CCDC175: variants seen among roughly 807,000 people sequenced by gnomAD.
CCDC175 encodes the protein coiled-coil domain containing 175.
In CCDC175, 100 loss-of-function variants were observed where a neutral mutation model predicts 114.6. The ratio of observed to expected loss-of-function variants is 0.87; its 90% CI spans 0.74 to 1.03. CCDC175 has a LOEUF of 1.03. Among genes scored for constraint, CCDC175 ranks in the 50% least tolerant of loss-of-function variants. The pLI is 0.00. For missense variants in CCDC175, 880 were observed against 917.8 expected, an observed-to-expected ratio of 0.96 and a Z score of 0.53; for synonymous variants, 306 against 308.7, an observed-to-expected ratio of 0.99 and a Z score of 0.09.
rs979762867 is a variant in CCDC175, at chr14:59,568,363, G to A, written c.373C>T (p.Arg125Cys). Residue 125 changes from arginine to cysteine, a missense_variant, in exon 4 of 20, where the codon CGC becomes TGC. Transcript: ENST00000537690. ...RELEECVRDA[R>C]RLNLFEINTI... Reference sequence around the variant, plus strand: ...TTTATCTCAAAAAGATTTAATCTGCGAGCGTCTCGGACACATTCTTCAAAG... The same window carrying A: ...TTTATCTCAAAAAGATTTAATCTGCAAGCGTCTCGGACACATTCTTCAAAG... The A allele has an allele frequency of 3.7e-5, 57 of 1,525,200 alleles. No homozygotes were observed. Among genetic ancestry groups the A allele is most frequent in the African/African-American group, 5.6e-5 (4 of 72,024 alleles). The allele number at this position is 1,525,200 out of a possible 1,614,324, so 94.5% of individuals were successfully genotyped here. A position where few individuals can be genotyped will look rare whatever the true frequency, so the allele number is the denominator to read the frequency against.
chr14:59,507,244 C>T (rs546404808), intron 19 of CCDC175, among the ~76,000 whole-genome samples: 1 of 152,360 alleles, frequency 6.6e-6, no homozygotes, highest in South Asian at 2.1e-4. Flanking sequence ...GTCTGTGCTT[C>T]TCCTTTGGGA....
intron 17 of CCDC175, among the ~76,000 whole-genome samples, chr14:59,519,604 A>T (rs1025511385): frequency 2.0e-5 from 3 of 152,254 alleles, no homozygotes; most frequent in African/African-American, 7.2e-5. Context: ...TAGGAAAACA[A>T]CACAAAGCAA....
At chr14:59,507,285 A>T (rs1326121461) in intron 19 of CCDC175, among the ~76,000 whole-genome samples, 1 of 152,202 alleles carries the variant, frequency 6.6e-6, no homozygotes, top group African/African-American at 2.4e-5. Context: ...ACATCCAATA[A>T]GACACAGCTT....
intron 17 of CCDC175, among the ~76,000 whole-genome samples, chr14:59,517,602 C>CT (rs1594985309): frequency 1.3e-5 from 2 of 152,256 alleles, no homozygotes; most frequent in East Asian, 3.9e-4. Context: ...GCCTAGGAAT[C>CT]CAACTTACAA....
Position 59,543,327 on chromosome 14 carries a change from A to G in CCDC175, c.1283+17T>C. ...AGAGAAAGTAAAGATAAAAAATTTC[A>G]AAGGCAACAAACATACTGTTGAAGT... is the stretch of plus-strand genomic sequence containing the variant. On this transcript the variant is annotated intron_variant, in intron 10 of 19. Transcript: ENST00000537690. 2 of 946,064 alleles carry G rather than the reference A, an allele frequency of 2.1e-6. No individual in the cohort carries two copies. The highest frequency in any genetic ancestry group is 5.8e-5 in the East Asian group (2 of 34,390). 58.6% of individuals were successfully genotyped at this position (946,064 alleles called of 1,614,324 possible).
chr14:59,545,923 A>C (rs1437116737), intron 8 of CCDC175, among the ~76,000 whole-genome samples: 1 of 152,220 alleles, frequency 6.6e-6, no homozygotes, highest in African/African-American at 2.4e-5. Flanking sequence ...TTATTCAAAA[A>C]ACAAAAATAG....
chr14:59,519,179 T>C (rs945123650), intron 17 of CCDC175, among the ~76,000 whole-genome samples: 2 of 151,954 alleles, frequency 1.3e-5, no homozygotes, highest in Non-Finnish European at 2.9e-5. Flanking sequence ...CGGTGGGTTA[T>C]GAGGGAGGGA....
intron 19 of CCDC175, 185 bp downstream of exon 19, chr14:59,510,461 G>A (rs759549615): frequency 3.5e-6 from 2 of 577,472 alleles, no homozygotes; most frequent in South Asian, 4.4e-5. Flanking sequence ...GTGAAAGGCA[G>A]AATTGGATAA....
In CCDC175 at chr14:59,505,254, A is replaced by G. The variant is rs777663302; in HGVS notation, c.2367T>C (p.Asn789=). 1 of 1,496,440 alleles carries G rather than the reference A, an allele frequency of 6.7e-7. No homozygotes were observed. The highest frequency in any genetic ancestry group is 1.3e-5 in the South Asian group (1 of 78,602). The allele number at this position is 1,496,440 out of a possible 1,614,324, so 92.7% of individuals were successfully genotyped here. A position where few individuals can be genotyped will look rare whatever the true frequency, so the allele number is the denominator to read the frequency against. ...TATCCTTGAGTTACTTTGTTAATGT[A>G]TTTTTCTCAGTACATTTAACCACTG... is the stretch of plus-strand genomic sequence containing the variant. ...HFPVVKCTEK[N]TLTK The change falls in exon 20 of 20, where the codon AAT becomes AAC. Residue 789 remains asparagine, a synonymous_variant. Transcript: ENST00000537690.
At chr14:59,512,455 C>T (rs973547638) in intron 17 of CCDC175, among the ~76,000 whole-genome samples, 3 of 152,186 alleles carry the variant, frequency 2.0e-5, no homozygotes, top group Admixed American at 1.3e-4. Context: ...TGGAGTCACA[C>T]GTTGTTGGGG....
At chr14:59,538,946 G>T in intron 11 of CCDC175, 106 bp from the exon 12 acceptor site, 1 of 1,028,538 alleles carries the variant, frequency 9.7e-7, no homozygotes, top group South Asian at 1.8e-5. Context: ...ACACAAAATT[G>T]TTTGTGCTAT....
At chr14:59,540,851 G>A (rs1894742266) in intron 10 of CCDC175, 105 bp from the exon 11 acceptor site, 1 of 960,648 alleles carries the variant, frequency 1.0e-6, no homozygotes, top group Non-Finnish European at 1.5e-6. Flanking sequence ...TAGTCTAATT[G>A]GGAGACAAAA....
Position 59,510,792 on chromosome 14 carries a change from C to A in CCDC175, c.2159G>T (p.Gly720Val), listed in dbSNP as rs1487645734. The part of the protein sequence containing the change: ...QTTVKILVDN[G>V]EETLQDINNL... ...GTTTATGTCTTGCAAGGTCTCTTCA[C>A]CATTGTCCACCAAGATCTAAAGAAA... The change falls in exon 19 of 20, where the codon GGT (glycine) becomes GTT (valine). Residue 720 changes from glycine to valine, a missense_variant. Coordinates refer to ENST00000537690, the MANE Select transcript of CCDC175 (RefSeq NM_001164399.2). 1 of 1,536,836 alleles carries A rather than the reference C, an allele frequency of 6.5e-7. No homozygotes were observed. Among genetic ancestry groups the A allele is most frequent in the South Asian group, 1.2e-5 (1 of 83,994 alleles).
At chr14:59,537,814 GATT>G (rs886895092) in intron 13 of CCDC175, among the ~76,000 whole-genome samples, 2 of 152,052 alleles carry the variant, frequency 1.3e-5, no homozygotes, top group African/African-American at 4.8e-5. Context: ...TTTGAAGTGT[GATT>G]ATTATTATTA....
chr14:59,525,574 G>T lies in CCDC175; in HGVS notation c.1843-140C>A, dbSNP rs1893694023. ...AGCAGAGGATAGATATTCTTCCTTA[G>T]AAAAACCTATCAACCCCACATTTAT... On this transcript the variant is annotated intron_variant, in intron 15 of 19. Transcript: ENST00000537690. The T allele has an allele frequency of 7.2e-6, 4 of 552,234 alleles. No individual in the cohort carries two copies. In the South Asian group the frequency reaches 1.3e-4, roughly 17 times the overall value. The allele number at this position is 552,234 out of a possible 1,614,324, so 34.2% of individuals were successfully genotyped here.
intron 19 of CCDC175, among the ~76,000 whole-genome samples, chr14:59,506,312 T>G: frequency 6.8e-6 from 1 of 146,150 alleles, no homozygotes; most frequent in African/African-American, 2.5e-5. Flanking sequence ...TTTGAGACAG[T>G]GTCTCGCTCT....
chr14:59,555,923 T>G (rs1469205586), intron 7 of CCDC175, among the ~76,000 whole-genome samples: 1 of 152,158 alleles, frequency 6.6e-6, no homozygotes, highest in African/African-American at 2.4e-5. Context: ...GTGAAGGACC[T>G]CTTCAAAGAG....
At position 59,543,428 on chromosome 14, in the gene CCDC175, G is replaced by A; in HGVS notation, c.1199C>T (p.Ser400Phe). ...TTGTGACAGAAAGTATTCTTTCTGA[G>A]AAATAAATGTCAGCTGTTTCTGATT... ...DENQKQLTFI[S>F]QKEYFLSQKR... Residue 400 changes from serine (S) to phenylalanine (F), a missense_variant, in exon 10 of 20, where the codon TCT becomes TTT. Ser to Phe is a radical substitution (Grantham distance 155, BLOSUM62 -2). Coordinates refer to ENST00000537690, the MANE Select transcript of CCDC175 (RefSeq NM_001164399.2). 1.4e-6 allele frequency: 2 copies of A among 1,439,740 alleles called. No homozygotes were observed. Among genetic ancestry groups the A allele is most frequent in the Non-Finnish European group, 9.2e-7 (1 of 1,082,740 alleles). The allele number at this position is 1,439,740 out of a possible 1,614,324, so 89.2% of individuals were successfully genotyped here. A position where few individuals can be genotyped will look rare whatever the true frequency, so the allele number is the denominator to read the frequency against.
At chr14:59,552,899 A>G (rs533673029) in intron 7 of CCDC175, among the ~76,000 whole-genome samples, 3 of 152,340 alleles carry the variant, frequency 2.0e-5, no homozygotes, top group African/African-American at 2.4e-5. Flanking sequence ...ATGAAGCGAG[A>G]AGAGAAGTTT....
Sources: gnomAD v4.1 joint callset for allele counts (sites outside exome capture counted in the v4.1 genomes callset) on GRCh38, gnomAD v4.1.1 for gene constraint, MANE v1.5 for transcripts, NCBI Gene and HGNC (gene_info 2026-07-23, HGNC 2026-07-21) for gene names.